RPF2: variants seen among roughly 807,000 people sequenced by gnomAD.
RPF2 encodes ribosome production factor 2 homolog, also known as brix domain containing 1.
In RPF2, 21 loss-of-function variants were observed where a neutral mutation model predicts 38.9. That is an observed-to-expected ratio of 0.54 (90% CI 0.38 to 0.78). The LOEUF is 0.78. Among genes scored for constraint, RPF2 ranks in the 30% least tolerant of loss-of-function variants. The pLI is 0.00. For missense variants in RPF2, 314 were observed against 358.1 expected, an observed-to-expected ratio of 0.88 and a Z score of 0.99; for synonymous variants, 121 against 126.2, an observed-to-expected ratio of 0.96 and a Z score of 0.28.
intron 2 of RPF2, among the ~76,000 whole-genome samples, chr6:110,985,597 C>T (rs1771510633): frequency 6.6e-6 from 1 of 152,122 alleles, no homozygotes; most frequent in Admixed American, 6.6e-5. Flanking sequence ...AGTTCTTACA[C>T]TGTGCTGTGC....
At chr6:110,983,796 C>CGG (rs562941947) in intron 1 of RPF2, among the ~76,000 whole-genome samples, 34 of 136,218 alleles carry the variant, frequency 2.5e-4, no homozygotes, top group African/African-American at 9.1e-4. Flanking sequence ...GAGGCTGAGG[C>CGG]GGGGGGGTGG....
At chr6:110,982,220 G>C in intron 1 of RPF2, 91 bp downstream of exon 1, 4 of 1,433,786 alleles carry the variant, frequency 2.8e-6, no homozygotes, top group South Asian at 1.1e-5. Context: ...ACTCTTCCTG[G>C]TTACCCCTCT....
chr6:110,989,662 T>C (rs1333895863), intron 3 of RPF2, among the ~76,000 whole-genome samples: 1 of 151,214 alleles, frequency 6.6e-6, no homozygotes, highest in Non-Finnish European at 1.5e-5. Context: ...AGTCTAGCTT[T>C]GTTGCCAGGC....
chr6:111,015,842 C>T lies in RPF2; in HGVS notation c.582C>T (p.Tyr194=). ...LHFTALNGKI[Y]FRSYKLLLKK... is the part of the protein sequence containing the mutation. ...TCACTGCACTGAATGGGAAGATTTACTTTCGAAGCTATAAGTAAGTGCATT... is the reference window on the plus strand; with the variant it reads ...TCACTGCACTGAATGGGAAGATTTATTTTCGAAGCTATAAGTAAGTGCATT... The change falls in exon 8 of 10, where the codon TAC becomes TAT. Residue 194 remains tyrosine, a synonymous_variant. Coordinates refer to ENST00000441448, the MANE Select transcript of RPF2 (RefSeq NM_032194.3). 6.2e-7 allele frequency: 1 copy of T among 1,605,838 alleles called. No individual in the cohort carries two copies. Among genetic ancestry groups the T allele is most frequent in the South Asian group, 1.1e-5 (1 of 90,926 alleles).
intron 6 of RPF2, among the ~76,000 whole-genome samples, chr6:111,002,843 A>T (rs1269866591): frequency 6.6e-6 from 1 of 150,998 alleles, no homozygotes; most frequent in African/African-American, 2.4e-5. Context: ...ATCTCGGCTC[A>T]CTACAACCTC....
intron 7 of RPF2, among the ~76,000 whole-genome samples, chr6:111,010,598 G>A (rs1285982914): frequency 6.6e-6 from 1 of 152,144 alleles, no homozygotes. Context: ...GATGCTCAGT[G>A]GCCTTGTCTA....
intron 6 of RPF2, 83 bp from the exon 7 acceptor site, chr6:111,007,954 AT>A (rs1215865989): frequency 2.3e-5 from 32 of 1,374,286 alleles, no homozygotes; most frequent in African/African-American, 3.1e-5. Flanking sequence ...CTCAAAAAAA[AT>A]AAATAAAAAT....
At chr6:110,994,067 A>T (rs752110823) in intron 4 of RPF2, among the ~76,000 whole-genome samples, 1 of 152,240 alleles carries the variant, frequency 6.6e-6, no homozygotes, top group Non-Finnish European at 1.5e-5. Context: ...ACCTAAGGTC[A>T]GGAGTTCGAG....
At chr6:111,008,898 CTT>C (rs57167034) in intron 7 of RPF2, among the ~76,000 whole-genome samples, 70 of 120,382 alleles carry the variant, frequency 5.8e-4, no homozygotes, top group Middle Eastern at 4.5e-3. Context: ...TTCCTGGCTC[CTT>C]TTTTTTTTTT....
At chr6:111,007,239 G>A (rs960807410) in intron 6 of RPF2, among the ~76,000 whole-genome samples, 1 of 152,098 alleles carries the variant, frequency 6.6e-6, no homozygotes, top group Non-Finnish European at 1.5e-5. Flanking sequence ...TGGTTGCTTG[G>A]TTGGTTGTGT....
At chr6:111,018,206 G>A (rs1267318364) in intron 8 of RPF2, among the ~76,000 whole-genome samples, 15 of 147,950 alleles carry the variant, frequency 1.0e-4, no homozygotes, top group Admixed American at 2.6e-4. Context: ...GACCGGGGAG[G>A]GGGAGGGGGA....
Position 111,007,442 on chromosome 6 carries a change from C to T in RPF2, c.394-596C>T, listed in dbSNP as rs115848215. Reference sequence around the variant, plus strand: ...AGAAGCTTAAAAATGTCATCTTAGCCAGGCCTGCACCTGTAGTCCCAGCTA... The same window carrying T: ...AGAAGCTTAAAAATGTCATCTTAGCTAGGCCTGCACCTGTAGTCCCAGCTA... On this transcript the variant is annotated intron_variant, in intron 6 of 9. Transcript: ENST00000441448. Among the ~76,000 whole-genome samples, 1,082 of 151,638 alleles carry T rather than the reference C, an allele frequency of 7.1e-3. 17 individuals carry two copies. The highest frequency in any genetic ancestry group is 0.025 in the African/African-American group (1,018 of 41,318).
intron 8 of RPF2, among the ~76,000 whole-genome samples, chr6:111,023,920 G>A (rs571662621): frequency 6.2e-4 from 94 of 152,158 alleles, no homozygotes; most frequent in Middle Eastern, 3.4e-3. Context: ...CCTGGGAGGT[G>A]GAGCTTACAG....
chr6:110,999,864 C>CTGATAGAGT, intron 6 of RPF2, 77 bp downstream of exon 6: 1 of 773,408 alleles, frequency 1.3e-6, no homozygotes, highest in Non-Finnish European at 2.2e-6. Flanking sequence ...GTGAAGAGTA[C>CTGATAGAGT]TGATAGAGTT....
At chr6:111,019,676 G>A (rs1772194723) in intron 8 of RPF2, among the ~76,000 whole-genome samples, 1 of 152,160 alleles carries the variant, frequency 6.6e-6, no homozygotes, top group Non-Finnish European at 1.5e-5. Context: ...GACAGAGGTT[G>A]CAGTGAGCCG....
At chr6:110,985,232 C>G (rs1444276636) in intron 2 of RPF2, 94 bp downstream of exon 2, 2 of 1,102,826 alleles carry the variant, frequency 1.8e-6, no homozygotes, top group Non-Finnish European at 2.6e-6. Flanking sequence ...CGTAGATAAG[C>G]TTGCCTTACC....
intron 3 of RPF2, among the ~76,000 whole-genome samples, chr6:110,990,899 G>A (rs776181680): frequency 1.3e-5 from 2 of 151,980 alleles, no homozygotes; most frequent in Admixed American, 1.3e-4. Flanking sequence ...TGGTTCCTAT[G>A]ACCTTTCAAC....
chr6:111,017,046 A>G (rs1368839084), intron 8 of RPF2, among the ~76,000 whole-genome samples: 1 of 152,250 alleles, frequency 6.6e-6, no homozygotes, highest in Non-Finnish European at 1.5e-5. Flanking sequence ...AATTTTTCTT[A>G]GTATAGAACA....
At chr6:110,989,856 T>A (rs151131823) in intron 3 of RPF2, among the ~76,000 whole-genome samples, 4 of 151,770 alleles carry the variant, frequency 2.6e-5, no homozygotes, top group Non-Finnish European at 5.9e-5. Context: ...CTTCTGACTT[T>A]AGGTGATCTG....
Sources: gnomAD v4.1 joint callset for allele counts (sites outside exome capture counted in the v4.1 genomes callset) on GRCh38, gnomAD v4.1.1 for gene constraint, MANE v1.5 for transcripts, NCBI Gene and HGNC (gene_info 2026-07-23, HGNC 2026-07-21) for gene names.